Variants in CALN1 observed in about 807,000 individuals in gnomAD.
The protein encoded by CALN1 is calcium-binding protein 8.
A neutral mutation model predicts 30.6 loss-of-function variants in CALN1; 17 were observed. The observed-to-expected ratio is 0.56, with a 90% CI of 0.38 to 0.83. The LOEUF is 0.83. Ranked by LOEUF, CALN1 falls within the 40% of genes least tolerant of loss-of-function variation. CALN1 has a pLI of 0.00. For synonymous variants in CALN1, 156 were observed against 131.4 expected (o/e 1.19, Z -1.28); for missense variants, 291 against 354.9 (o/e 0.82, Z 1.45).
intron 5 of CALN1, among the ~76,000 whole-genome samples, chr7:71,852,467 T>A: frequency 8.5e-6 from 1 of 117,368 alleles, no homozygotes; most frequent in African/African-American, 4.0e-5. Flanking sequence ...TGAGACCCTG[T>A]CTCTAAAAAA....
chr7:72,215,929 A>G (rs486272), intron 3 of CALN1, among the ~76,000 whole-genome samples: 3,966 of 152,224 alleles, frequency 0.026, 152 homozygotes, highest in African/African-American at 0.088. Flanking sequence ...CTGCAGAGGT[A>G]AGCATGGGTC....
chr7:71,813,694 C>A (rs1446504825), intron 5 of CALN1, among the ~76,000 whole-genome samples: 1 of 152,112 alleles, frequency 6.6e-6, no homozygotes, highest in African/African-American at 2.4e-5. Flanking sequence ...CTTTGGGAGG[C>A]CGAGGCTGGC....
chr7:71,869,402 G>A (rs948828515), intron 5 of CALN1, among the ~76,000 whole-genome samples: 4 of 152,054 alleles, frequency 2.6e-5, no homozygotes, highest in African/African-American at 9.7e-5. Flanking sequence ...AGTAGAAACG[G>A]TGTTTCACCA....
rs147663255 is a variant in CALN1, at chr7:71,905,993, TATAAAACC to T, written c.502-95509_502-95502del. 5.2e-3 allele frequency among the ~76,000 whole-genome samples: 797 copies of T among 152,080 alleles called. 11 individuals are homozygous for T. Among genetic ancestry groups the T allele is most frequent in the African/African-American group, 0.017 (717 of 41,500 alleles). On this transcript the variant is annotated intron_variant, in intron 5 of 6. Coordinates refer to ENST00000395275, the MANE Select transcript of CALN1 (RefSeq NM_031468.4). ...GCAAAAGAGGAACTTGCCAAACACT[TATAAAACC>T]ATTCAATCTCATGAGAATGAACTCA...
At chr7:71,941,211 G>A (rs570418607) in intron 5 of CALN1, among the ~76,000 whole-genome samples, 1 of 150,582 alleles carries the variant, frequency 6.6e-6, no homozygotes, top group Admixed American at 6.7e-5. Context: ...TTAGCTGGGT[G>A]TGGTGGCAGG....
At chr7:72,264,192 T>C (rs889188848) in intron 3 of CALN1, among the ~76,000 whole-genome samples, 2 of 152,178 alleles carry the variant, frequency 1.3e-5, no homozygotes, top group African/African-American at 4.8e-5. Flanking sequence ...AGGAAGTCCC[T>C]CTGCTCTAAC....
At chr7:72,049,329 T>C (rs1169472733) in intron 4 of CALN1, among the ~76,000 whole-genome samples, 2 of 152,052 alleles carry the variant, frequency 1.3e-5, no homozygotes, top group South Asian at 2.1e-4. Context: ...GACAAAAGGA[T>C]CCGAGAATAC....
chr7:72,163,392 T>TAAAAAAA (rs55881217), intron 3 of CALN1, among the ~76,000 whole-genome samples: 5 of 79,274 alleles, frequency 6.3e-5, no homozygotes, highest in African/African-American at 2.9e-4. Flanking sequence ...TATTGGAGAT[T>TAAAAAAA]AAAAAAAAAA....
intron 3 of CALN1, among the ~76,000 whole-genome samples, chr7:72,215,810 C>G (rs765142521): frequency 6.6e-6 from 1 of 152,094 alleles, no homozygotes; most frequent in Non-Finnish European, 1.5e-5. Context: ...AGTGTTGAGC[C>G]ACAGCCACGT....
At chr7:72,358,059 A>AT (rs1585572602) in intron 2 of CALN1, among the ~76,000 whole-genome samples, 2 of 151,702 alleles carry the variant, frequency 1.3e-5, no homozygotes, top group African/African-American at 4.9e-5. Flanking sequence ...TGATGCAATC[A>AT]TAACTCACTG....
chr7:71,892,174 T>C (rs544004653), intron 5 of CALN1, among the ~76,000 whole-genome samples: 1 of 152,298 alleles, frequency 6.6e-6, no homozygotes, highest in Admixed American at 6.5e-5. Flanking sequence ...TATTTGCTGA[T>C]TTGATAGTCT....
At chr7:71,819,386 C>T (rs180885254) in intron 5 of CALN1, among the ~76,000 whole-genome samples, 1 of 151,130 alleles carries the variant, frequency 6.6e-6, no homozygotes, top group African/African-American at 2.4e-5. Flanking sequence ...TTCTTGTATT[C>T]ACCATGTTGG....
At chr7:71,873,542 A>C (rs1358774070) in intron 5 of CALN1, among the ~76,000 whole-genome samples, 1 of 152,242 alleles carries the variant, frequency 6.6e-6, no homozygotes, top group Non-Finnish European at 1.5e-5. Flanking sequence ...TCTTCTCAAA[A>C]GCGTAGTGCA....
chr7:71,957,896 C>T (rs1237636137), intron 5 of CALN1, among the ~76,000 whole-genome samples: 1 of 151,732 alleles, frequency 6.6e-6, no homozygotes, highest in Non-Finnish European at 1.5e-5. Flanking sequence ...GAAACCCCAT[C>T]TCTATTAAAA....
In CALN1 at chr7:72,278,702, G is replaced by A. The variant is rs751565747; in HGVS notation, c.228C>T (p.Ser76=). The A allele has an allele frequency of 2.4e-5, 38 of 1,613,560 alleles. No homozygotes were observed. Among genetic ancestry groups the A allele is most frequent in the Admixed American group, 8.3e-5 (5 of 59,988 alleles). Residue 76 remains serine, a synonymous_variant, in exon 3 of 7, where the codon TCC becomes TCT. Transcript: ENST00000395275. The part of the protein sequence containing the change: ...GSDSEQLANI[S]VEELDEIREA... ...GCTCCTTACCATCGAGCTCCTCCAC[G>A]GAGATATTAGCCAGCTGTTCGCTGT...
intron 5 of CALN1, among the ~76,000 whole-genome samples, chr7:71,996,500 GAGTT>G (rs1257770389): frequency 1.3e-5 from 2 of 152,186 alleles, no homozygotes; most frequent in Non-Finnish European, 2.9e-5. Context: ...TTCTGTACCT[GAGTT>G]AGTTAGCTGA....
chr7:72,449,065 C>T (rs1808606553), upstream of CALN1, among the ~76,000 whole-genome samples: 1 of 152,112 alleles, frequency 6.6e-6, no homozygotes, highest in African/African-American at 2.4e-5. Flanking sequence ...ACCCCAGATC[C>T]CATCTCAGCT....
intron 5 of CALN1, among the ~76,000 whole-genome samples, chr7:71,950,538 C>A (rs1796638147): frequency 6.6e-6 from 1 of 152,100 alleles, no homozygotes; most frequent in Non-Finnish European, 1.5e-5. Context: ...CGAACTGATC[C>A]TCTCCCCACC....
intron 2 of CALN1, among the ~76,000 whole-genome samples, chr7:72,286,781 G>A (rs1218465771): frequency 6.6e-6 from 1 of 152,202 alleles, no homozygotes; most frequent in Non-Finnish European, 1.5e-5. Flanking sequence ...TAAAAGTTCT[G>A]CATCATTAGA....
Sources: gnomAD v4.1 joint callset for allele counts (sites outside exome capture counted in the v4.1 genomes callset) on GRCh38, gnomAD v4.1.1 for gene constraint, MANE v1.5 for transcripts, NCBI Gene and HGNC (gene_info 2026-07-23, HGNC 2026-07-21) for gene names.